SLCO3A1: variants seen among roughly 807,000 people sequenced by gnomAD.
The protein encoded by SLCO3A1 is solute carrier organic anion transporter family member 3A1.
A neutral mutation model predicts 63.1 loss-of-function variants in SLCO3A1; 27 were observed. The ratio of observed to expected loss-of-function variants is 0.43; its 90% CI spans 0.32 to 0.59. The LOEUF (loss-of-function observed/expected upper bound fraction) is 0.59, where lower values mean the gene tolerates loss of function less well. SLCO3A1 is among the 20% of genes least tolerant of loss of function. The pLI is 0.09. For missense variants in SLCO3A1, 773 were observed against 945.8 expected, an observed-to-expected ratio of 0.82 and a Z score of 2.40; for synonymous variants, 473 against 409.9, an observed-to-expected ratio of 1.15 and a Z score of -1.86.
chr15:91,984,025 C>T (rs759651701), intron 2 of SLCO3A1, among the ~76,000 whole-genome samples: 44 of 152,272 alleles, frequency 2.9e-4, no homozygotes, highest in Admixed American at 4.6e-4. Context: ...TCCAGGTCAG[C>T]GCTGTACCTC....
At chr15:92,170,453 G>A, downstream of SLCO3A1, among the ~76,000 whole-genome samples, 1 of 152,186 alleles carries the variant, frequency 6.6e-6, no homozygotes, top group Non-Finnish European at 1.5e-5. Context: ...TCACAGGTCT[G>A]AAAACTAAAG....
chr15:92,070,170 G>A (rs1469476232), intron 2 of SLCO3A1, among the ~76,000 whole-genome samples: 3 of 152,240 alleles, frequency 2.0e-5, no homozygotes, highest in African/African-American at 7.2e-5. Context: ...GCATCTCGAA[G>A]TTTCCTGGCT....
intron 2 of SLCO3A1, among the ~76,000 whole-genome samples, chr15:92,016,539 T>C (rs1183822397): frequency 6.6e-6 from 1 of 152,074 alleles, no homozygotes; most frequent in Non-Finnish European, 1.5e-5. Flanking sequence ...CCTTTGTAAG[T>C]TGACATGGAG....
chr15:91,946,812 G>A (rs1158485523), intron 2 of SLCO3A1, among the ~76,000 whole-genome samples: 1 of 152,198 alleles, frequency 6.6e-6, no homozygotes, highest in Non-Finnish European at 1.5e-5. Flanking sequence ...AATGACTGGA[G>A]TTACCAAAAT....
intron 3 of SLCO3A1, among the ~76,000 whole-genome samples, chr15:92,101,057 A>G (rs563772501): frequency 1.3e-5 from 2 of 152,166 alleles, no homozygotes; most frequent in Non-Finnish European, 2.9e-5. Flanking sequence ...TCCAATGCAG[A>G]CACTGATAAC....
downstream of SLCO3A1, among the ~76,000 whole-genome samples, chr15:92,170,595 T>C (rs988554238): frequency 3.9e-5 from 6 of 152,198 alleles, no homozygotes; most frequent in Non-Finnish European, 8.8e-5. Flanking sequence ...AACACGGAAC[T>C]AGCTTCTTAT....
intron 2 of SLCO3A1, among the ~76,000 whole-genome samples, chr15:91,933,510 T>G (rs1048980884): frequency 6.6e-6 from 1 of 152,218 alleles, no homozygotes; most frequent in South Asian, 2.1e-4. Context: ...GTTTCTCTAC[T>G]TTTTCACCTA....
chr15:91,882,806 G>A lies in SLCO3A1; in HGVS notation c.180+28718G>A, dbSNP rs1251575566. Among the ~76,000 whole-genome samples the A allele has an allele frequency of 6.6e-6, 1 of 152,220 alleles. No homozygotes were observed. The highest frequency in any genetic ancestry group is 1.5e-5 in the Non-Finnish European group (1 of 68,048). ...CAAAGTGCTGAGATTACAGGTGTGA[G>A]CTACCGCGCCCAGCCATGACTTCTT... On this transcript the variant is annotated intron_variant, in intron 1 of 9. Coordinates refer to ENST00000318445, the MANE Select transcript of SLCO3A1 (RefSeq NM_013272.4). This position sits in a 1 kb window ranked among gnomAD's most constrained non-coding sequence, Gnocchi z 4.4.
chr15:91,941,578 T>C lies in SLCO3A1; in HGVS notation c.646+25120T>C, dbSNP rs865884121. On this transcript the variant is annotated intron_variant, in intron 2 of 9. Coordinates refer to ENST00000318445, the MANE Select transcript of SLCO3A1 (RefSeq NM_013272.4). The surrounding 1 kb of genome is among the most constrained non-coding windows in gnomAD (Gnocchi z 4.4). ...TGAACCAGAGGTTTATTTCACTCAG[T>C]AAGTAATCTTTTCTCTTCCTTCGTC... The C allele has an allele frequency of 2.2e-6, 1 of 456,040 alleles. No homozygotes were observed. The highest frequency in any genetic ancestry group is 3.3e-4 in the Middle Eastern group (1 of 3,070). The allele number at this position is 456,040 out of a possible 1,614,324, so 28.2% of individuals were successfully genotyped here.
downstream of SLCO3A1, among the ~76,000 whole-genome samples, chr15:92,166,736 G>T (rs924871622): frequency 6.6e-6 from 1 of 152,200 alleles, no homozygotes; most frequent in African/African-American, 2.4e-5. Flanking sequence ...TCCAGAGGAG[G>T]TCATTCACTG....
At chr15:92,065,565 G>A (rs1021371619) in intron 2 of SLCO3A1, among the ~76,000 whole-genome samples, 20 of 152,096 alleles carry the variant, frequency 1.3e-4, no homozygotes, top group Non-Finnish European at 2.5e-4. Flanking sequence ...AAGGAAAAAA[G>A]GAGGCTAGGC....
chr15:92,063,388 C>A (rs1686735657), intron 2 of SLCO3A1, among the ~76,000 whole-genome samples: 1 of 152,214 alleles, frequency 6.6e-6, no homozygotes, highest in South Asian at 2.1e-4. Context: ...CTGCAAATCC[C>A]AGCTCTGCCA....
chr15:91,889,094 A>T, intron 1 of SLCO3A1: 1 of 1,164,290 alleles, frequency 8.6e-7, no homozygotes, highest in Non-Finnish European at 1.1e-6. Flanking sequence ...TGTACTTGTT[A>T]TTACAGAATA....
chr15:91,970,214 G>A (rs993647263), intron 2 of SLCO3A1, among the ~76,000 whole-genome samples: 4 of 152,228 alleles, frequency 2.6e-5, no homozygotes, highest in Admixed American at 6.5e-5. Context: ...GAGAGAGGCC[G>A]AGTATGTTCT....
chr15:91,967,846 T>C lies in SLCO3A1; in HGVS notation c.646+51388T>C, dbSNP rs1160502000. On this transcript the variant is annotated intron_variant, in intron 2 of 9. Coordinates refer to ENST00000318445, the MANE Select transcript of SLCO3A1 (RefSeq NM_013272.4). The surrounding 1 kb of genome is among the most constrained non-coding windows in gnomAD (Gnocchi z 4.4). The stretch of plus-strand genomic sequence containing the variant: ...AGTGTTCTCCCAAATCCCGCTGGCA[T>C]AGGCTCTTTCCTTGTCTGCTTTGTC... Among the ~76,000 whole-genome samples the C allele has an allele frequency of 6.6e-6, 1 of 152,208 alleles. No individual in the cohort carries two copies. The highest frequency in any genetic ancestry group is 1.5e-5 in the Non-Finnish European group (1 of 68,038).
chr15:92,051,994 A>T (rs947039739), intron 2 of SLCO3A1, among the ~76,000 whole-genome samples: 2 of 152,308 alleles, frequency 1.3e-5, no homozygotes, highest in East Asian at 1.9e-4. Context: ...AGACCAAATG[A>T]CACAGCTTTT....
At chr15:91,944,948 T>G (rs1012636088) in intron 2 of SLCO3A1, among the ~76,000 whole-genome samples, 1 of 152,244 alleles carries the variant, frequency 6.6e-6, no homozygotes, top group African/African-American at 2.4e-5. Context: ...CAATATTCTC[T>G]TTAACTTAGA....
intron 2 of SLCO3A1, among the ~76,000 whole-genome samples, chr15:92,001,299 A>G (rs542389463): frequency 6.6e-6 from 1 of 152,122 alleles, no homozygotes; most frequent in African/African-American, 2.4e-5. Context: ...GAATGCCTCA[A>G]TGGGCAAGGC....
intron 2 of SLCO3A1, among the ~76,000 whole-genome samples, chr15:92,008,100 A>AC (rs1395725730): frequency 1.3e-5 from 2 of 152,238 alleles, no homozygotes; most frequent in East Asian, 3.9e-4. Context: ...CTTGAGAGCA[A>AC]CCCCATACTT....
Sources: gnomAD v4.1 joint callset for allele counts (sites outside exome capture counted in the v4.1 genomes callset) on GRCh38, gnomAD v4.1.1 for gene constraint, Gnocchi (gnomAD v3.1) non-coding constraint, MANE v1.5 for transcripts, NCBI Gene and HGNC (gene_info 2026-07-23, HGNC 2026-07-21) for gene names.